The following CYRIB variants were observed in gnomAD, a reference collection of about 807,000 sequenced individuals.
The protein encoded by CYRIB is CYFIP related Rac1 interactor B.
CYRIB carries 8 observed loss-of-function variants against 44.2 expected under a neutral mutation model. That is an observed-to-expected ratio of 0.18 (90% CI 0.11 to 0.33). CYRIB has a LOEUF of 0.33. Ranked by LOEUF, CYRIB falls within the 10% of genes least tolerant of loss-of-function variation. The pLI is 1.00. For missense variants in CYRIB, 185 were observed against 382.8 expected (o/e 0.48, Z 4.31); for synonymous variants, 131 against 127.2 (o/e 1.03, Z -0.20).
intron 10 of CYRIB, 52 bp downstream of exon 12, chr8:129,849,191 G>C: frequency 6.6e-7 from 1 of 1,510,284 alleles, no homozygotes; most frequent in Non-Finnish European, 8.9e-7. Context: ...AAAATCCTAT[G>C]GTTTCCATGG....
At chr8:129,901,624 CCATA>C (rs1284275361) in intron 2 of CYRIB, 1 of 152,132 alleles carries the variant, frequency 6.6e-6, no homozygotes, top group Non-Finnish European at 1.5e-5. Flanking sequence ...TATGGGGAGT[CCATA>C]GAGAATTCAG....
At chr8:130,000,374 T>C (rs187214181) in intron 1 of CYRIB, among the ~76,000 whole-genome samples, 1 of 152,278 alleles carries the variant, frequency 6.6e-6, no homozygotes, top group Admixed American at 6.5e-5. Flanking sequence ...TGATAAATCC[T>C]GGGCATGAAA....
At chr8:129,848,422 G>C (rs181327771) in intron 10 of CYRIB, among the ~76,000 whole-genome samples, 1 of 152,194 alleles carries the variant, frequency 6.6e-6, no homozygotes, top group Non-Finnish European at 1.5e-5. Flanking sequence ...AAGAAACTAC[G>C]AAGTAGAGAA....
rs545773999 is a variant in CYRIB, at chr8:129,866,023, A to T, written c.196-3689T>A. ...TTAGACCAGTTAGCCTTACAAATAA[A>T]AACATCTTGAGCCAACCCACTCTGT... is the stretch of plus-strand genomic sequence containing the variant. On this transcript the variant is annotated intron_variant, in intron 4 of 11. Coordinates refer to ENST00000519824, the Ensembl canonical transcript of CYRIB. 2.6e-5 allele frequency among the ~76,000 whole-genome samples: 4 copies of T among 152,312 alleles called. No individual in the cohort carries two copies. In the South Asian group the frequency reaches 8.3e-4, roughly 32 times the overall value.
At chr8:129,932,580 A>C (rs2091839134) in intron 1 of CYRIB, among the ~76,000 whole-genome samples, 1 of 152,112 alleles carries the variant, frequency 6.6e-6, no homozygotes, top group Admixed American at 6.5e-5. Flanking sequence ...GGCTACTACT[A>C]TTATAGAGAA....
At chr8:129,953,732 G>A (rs529920777) in intron 2 of CYRIB, among the ~76,000 whole-genome samples, 4 of 152,250 alleles carry the variant, frequency 2.6e-5, no homozygotes, top group Non-Finnish European at 4.4e-5. Flanking sequence ...AGGTTTTAAC[G>A]CTACTGTGAA....
chr8:129,881,453 G>A (rs2060779397), intron 2 of CYRIB, among the ~76,000 whole-genome samples: 1 of 152,158 alleles, frequency 6.6e-6, no homozygotes, highest in African/African-American at 2.4e-5. Flanking sequence ...ATTATAAGAA[G>A]CTTGAAAAAA....
At chr8:129,991,164 A>C (rs944316456) in intron 1 of CYRIB, among the ~76,000 whole-genome samples, 6 of 148,558 alleles carry the variant, frequency 4.0e-5, no homozygotes, top group African/African-American at 1.5e-4. Context: ...AAGGTACAAC[A>C]GGCGAGGAGT....
intron 2 of CYRIB, chr8:129,970,418 T>A (rs1347127260): frequency 1.3e-5 from 2 of 148,826 alleles, no homozygotes; most frequent in Non-Finnish European, 3.0e-5. Flanking sequence ...GCACTGACTT[T>A]CTTTTTTTTT....
intron 7 of CYRIB, among the ~76,000 whole-genome samples, chr8:129,852,890 T>C (rs2044101886): frequency 6.6e-6 from 1 of 152,172 alleles, no homozygotes; most frequent in African/African-American, 2.4e-5. Context: ...TTTTCTTCCA[T>C]GTGGAATGGG....
chr8:129,875,269 CTTTTT>C (rs879701258), intron 3 of CYRIB, among the ~76,000 whole-genome samples: 1 of 139,420 alleles, frequency 7.2e-6, no homozygotes. Flanking sequence ...CCATTCAGTG[CTTTTT>C]TTTTTTTTCA....
chr8:130,011,795 T>G (rs983596969), intron 1 of CYRIB, among the ~76,000 whole-genome samples: 13 of 151,894 alleles, frequency 8.6e-5, no homozygotes, highest in African/African-American at 1.2e-4. Context: ...ATCGCACCAC[T>G]GCACTCCAGC....
intron 2 of CYRIB, among the ~76,000 whole-genome samples, chr8:129,898,841 A>G (rs933254975): frequency 4.6e-5 from 7 of 152,144 alleles, no homozygotes; most frequent in African/African-American, 1.4e-4. Flanking sequence ...GGTGGTAATT[A>G]TAACTGAATA....
chr8:129,935,281 A>AATT (rs1375823194), intron 1 of CYRIB, among the ~76,000 whole-genome samples: 1 of 152,234 alleles, frequency 6.6e-6, no homozygotes, highest in Non-Finnish European at 1.5e-5. Flanking sequence ...AGGAATAAAT[A>AATT]TTCTAGATCA....
intron 10 of CYRIB, 97 bp downstream of exon 12, chr8:129,849,146 G>A (rs946923254): frequency 1.7e-6 from 2 of 1,174,886 alleles, no homozygotes; most frequent in Non-Finnish European, 1.2e-6. Flanking sequence ...TCTGAGTTTT[G>A]TGAGAGTCCG....
intron 2 of CYRIB, among the ~76,000 whole-genome samples, chr8:129,958,763 TAAAAA>T (rs532997313): frequency 1.5e-5 from 2 of 130,034 alleles, no homozygotes; most frequent in African/African-American, 2.8e-5. Flanking sequence ...ACCACTGGTT[TAAAAA>T]AAAAAAAAAA....
chr8:129,859,750 G>C (rs1050926098), intron 5 of CYRIB, among the ~76,000 whole-genome samples: 3 of 152,156 alleles, frequency 2.0e-5, no homozygotes, highest in African/African-American at 7.2e-5. Context: ...TATAATATTG[G>C]AATAAAGAGT....
intron 10 of CYRIB, 63 bp downstream of exon 12, chr8:129,849,180 T>C: frequency 7.4e-6 from 11 of 1,480,474 alleles, no homozygotes; most frequent in Non-Finnish European, 9.9e-6. Flanking sequence ...TATCATAAAA[T>C]AAAATCCTAT....
chr8:129,959,059 C>CAAAAAAAA (rs60576774), intron 2 of CYRIB, among the ~76,000 whole-genome samples: 2 of 68,356 alleles, frequency 2.9e-5, no homozygotes, highest in Non-Finnish European at 3.1e-5. Flanking sequence ...GACTCTGTCT[C>CAAAAAAAA]AAAAAAAAAA....
Sources: gnomAD v4.1 joint callset for allele counts (sites outside exome capture counted in the v4.1 genomes callset) on GRCh38, gnomAD v4.1.1 for gene constraint, MANE v1.5 for transcripts, NCBI Gene and HGNC (gene_info 2026-07-23, HGNC 2026-07-21) for gene names.